The following KCTD1 variants were observed in gnomAD, a reference collection of about 807,000 sequenced individuals.
KCTD1 encodes BTB/POZ domain-containing protein KCTD1.
A neutral mutation model predicts 66.0 loss-of-function variants in KCTD1; 24 were observed. The ratio of observed to expected loss-of-function variants is 0.36; its 90% confidence interval spans 0.26 to 0.51. The LOEUF (loss-of-function observed/expected upper bound fraction) is 0.51. Among genes scored for constraint, KCTD1 ranks in the 20% least tolerant of loss-of-function variants. KCTD1 has a pLI of 0.95. For synonymous variants in KCTD1, 511 were observed against 517.2 expected (o/e 0.99, Z 0.16); for missense variants, 943 against 1,205.2 (o/e 0.78, Z 3.22).
intron 2 of KCTD1, among the ~76,000 whole-genome samples, chr18:26,489,199 G>T (rs978130974): frequency 6.6e-6 from 1 of 152,056 alleles, no homozygotes; most frequent in African/African-American, 2.4e-5. Context: ...GCCAAATATT[G>T]GTAATTCATC....
At position 26,601,330 on chromosome 18, in the gene KCTD1, A is replaced by T. The variant is rs909474887; in HGVS notation, c.-16+27817T>A. On this transcript the variant is annotated intron_variant, in intron 1 of 4. Transcript: ENST00000317932. ...GTAAATAAAAGTGTTCATTGGTAAA[A>T]AAAAAAAAAAAAAAAAAAAGAAAGA... Among the ~76,000 whole-genome samples the T allele has an allele frequency of 4.2e-3, 612 of 146,778 alleles. 3 individuals carry two copies. Among genetic ancestry groups the T allele is most frequent in the African/African-American group, 0.014 (551 of 40,456 alleles).
intron 1 of KCTD1, among the ~76,000 whole-genome samples, chr18:26,654,619 T>C (rs1370904): frequency 0.47 from 71,046 of 152,028 alleles, 17,226 homozygotes; most frequent in Non-Finnish European, 0.55. Flanking sequence ...CTGCAGTCGT[T>C]TTGCATACTG....
chr18:26,536,178 G>A (rs1197365249), intron 1 of KCTD1, among the ~76,000 whole-genome samples: 4 of 152,108 alleles, frequency 2.6e-5, no homozygotes, highest in African/African-American at 2.4e-5. Context: ...ATGAAACCAC[G>A]CTGGGCTCCA....
chr18:26,516,502 C>T (rs1167158961), intron 1 of KCTD1, among the ~76,000 whole-genome samples: 1 of 152,144 alleles, frequency 6.6e-6, no homozygotes, highest in Non-Finnish European at 1.5e-5. Context: ...GGGGCTGAAG[C>T]CTGATTTTTA....
In KCTD1 at chr18:26,547,575, C is replaced by A; in HGVS notation, c.962G>T (p.Arg321Leu). The change falls in exon 1 of 5, where the codon CGC (arginine) becomes CTC (leucine). Residue 321 changes from arginine to leucine, a missense_variant. Arg to Leu is a moderately radical substitution (Grantham distance 102). Around this residue, in one of 10 missense-constraint regions of KCTD1, gnomAD observed 3 missense variants for 23.6 expected, o/e 0.13. Transcript: ENST00000580059. ...CAACTCACGCTGGTTCTCGCGGCCGCGGGTACAGAAGTACATGCACGTCTC... is the reference window on the plus strand; with the variant it reads ...CAACTCACGCTGGTTCTCGCGGCCGAGGGTACAGAAGTACATGCACGTCTC... Reference protein sequence around the residue: ...WFETCMYFCTRGRENQRELEE... With the variant: ...WFETCMYFCTLGRENQRELEE... The A allele has an allele frequency of 6.4e-7, 1 of 1,551,608 alleles. No homozygotes were observed.
At chr18:26,653,992 T>G (rs1284601869) in intron 1 of KCTD1, among the ~76,000 whole-genome samples, 1 of 152,192 alleles carries the variant, frequency 6.6e-6, no homozygotes, top group African/African-American at 2.4e-5. Flanking sequence ...AATAAAAACG[T>G]TGGTGAAGTA....
chr18:26,596,135 T>C (rs540926852), intron 1 of KCTD1, among the ~76,000 whole-genome samples: 1 of 152,302 alleles, frequency 6.6e-6, no homozygotes, highest in Non-Finnish European at 1.5e-5. Flanking sequence ...GATTCATGTG[T>C]TGAAGCCCTA....
upstream of KCTD1, among the ~76,000 whole-genome samples, chr18:26,641,694 G>T (rs1182448650): frequency 6.6e-6 from 1 of 152,030 alleles, no homozygotes; most frequent in East Asian, 1.9e-4. Context: ...GATCTGATGG[G>T]GTTAGGTGGG....
intron 1 of KCTD1, among the ~76,000 whole-genome samples, chr18:26,542,484 T>C (rs1236384032): frequency 6.6e-6 from 1 of 152,218 alleles, no homozygotes; most frequent in Non-Finnish European, 1.5e-5. Flanking sequence ...GGAACTCCTG[T>C]ATCGATTCTG....
chr18:26,653,472 T>C (rs756795762), intron 1 of KCTD1, among the ~76,000 whole-genome samples: 8 of 152,228 alleles, frequency 5.3e-5, no homozygotes, highest in Non-Finnish European at 1.5e-5. Flanking sequence ...GAACCCCATA[T>C]TCCTCTTCCT....
chr18:26,586,704 CA>C (rs1346595129), intron 1 of KCTD1, among the ~76,000 whole-genome samples: 1 of 152,200 alleles, frequency 6.6e-6, no homozygotes, highest in African/African-American at 2.4e-5. Flanking sequence ...GAAAGCAAAA[CA>C]GCCTTATTGC....
At chr18:26,549,047 G>A, upstream of KCTD1, 1 of 985,122 alleles carries the variant, frequency 1.0e-6, no homozygotes. Context: ...CGGCGGCTGC[G>A]CCGGGCGGGC....
At chr18:26,546,582 T>G in intron 1 of KCTD1, 146 bp downstream of exon 1, 2 of 913,186 alleles carry the variant, frequency 2.2e-6, no homozygotes, top group Non-Finnish European at 3.1e-6. Flanking sequence ...ACCAAGAGAG[T>G]TAACTTCTAA....
At chr18:26,625,763 G>A (rs780518837) in intron 1 of KCTD1, among the ~76,000 whole-genome samples, 1 of 152,188 alleles carries the variant, frequency 6.6e-6, no homozygotes, top group Non-Finnish European at 1.5e-5. Context: ...ATGCATTTAA[G>A]TTTTAGTGAT....
intron 1 of KCTD1, among the ~76,000 whole-genome samples, chr18:26,515,511 T>TTC (rs1983610795): frequency 6.8e-6 from 1 of 146,288 alleles, no homozygotes; most frequent in Non-Finnish European, 1.5e-5. Flanking sequence ...TCTTTTTTCT[T>TTC]TTTTTTTTTT....
chr18:26,527,368 T>C (rs934672617), intron 1 of KCTD1, among the ~76,000 whole-genome samples: 1 of 152,118 alleles, frequency 6.6e-6, no homozygotes, highest in Non-Finnish European at 1.5e-5. Context: ...AGTGACTGAA[T>C]TTTTCTTTTG....
intron 1 of KCTD1, among the ~76,000 whole-genome samples, chr18:26,607,448 G>A (rs543505536): frequency 6.6e-6 from 1 of 152,314 alleles, no homozygotes. Flanking sequence ...CCTATCCTAT[G>A]ATGTGCACCA....
chr18:26,567,012 G>C (rs1332588609), intron 1 of KCTD1: 1 of 151,946 alleles, frequency 6.6e-6, no homozygotes, highest in Non-Finnish European at 1.5e-5. Context: ...GGGGAGGGTT[G>C]GTTTTCTTGG....
intron 1 of KCTD1, among the ~76,000 whole-genome samples, chr18:26,541,393 C>T (rs1343192714): frequency 6.6e-6 from 1 of 152,162 alleles, no homozygotes; most frequent in Non-Finnish European, 1.5e-5. Flanking sequence ...TTTTCACTTA[C>T]GATACTGTAA....
Sources: allele counts gnomAD v4.1 joint callset (sites outside exome capture counted in the v4.1 genomes callset), GRCh38; gene constraint gnomAD v4.1.1; regional missense constraint gnomAD v4.1.1; transcripts MANE v1.5; gene names NCBI Gene and HGNC (gene_info 2026-07-23, HGNC 2026-07-21).